Variants in RP1 observed in about 807,000 individuals in gnomAD.
The protein encoded by RP1 is RP1 axonemal microtubule associated.
In RP1, 16 loss-of-function variants were observed where a neutral mutation model predicts 14.8. The ratio of observed to expected loss-of-function variants is 1.08; its 90% CI spans 0.73 to 1.65. The LOEUF (loss-of-function observed/expected upper bound fraction) is 1.65. RP1 is among the 40% of genes most tolerant of loss of function. The probability of loss-of-function intolerance (pLI) is 0.00; values close to 1 mark genes in which losing one functional copy is unlikely to be tolerated. For synonymous variants in RP1, 876 were observed against 883.6 expected (o/e 0.99, Z 0.15); for missense variants, 2,631 against 2,535.0 (o/e 1.04, Z -0.81).
chr8:54,680,949 C>T (rs1412209122), intron 12 of RP1, among the ~76,000 whole-genome samples: 7 of 146,412 alleles, frequency 4.8e-5, no homozygotes, highest in Admixed American at 1.4e-4. Context: ...CAGAGCGAGA[C>T]TCTGTCTCGG....
intron 1 of RP1, among the ~76,000 whole-genome samples, chr8:54,590,974 CT>C (rs1176611355): frequency 1.3e-5 from 2 of 152,180 alleles, no homozygotes; most frequent in African/African-American, 4.8e-5. Context: ...AACTTGAATC[CT>C]TTCTTTATCC....
Position 54,626,295 on chromosome 8 carries a change from A to G in RP1, c.2413A>G (p.Asn805Asp), listed in dbSNP as rs145839872. 83 of 1,613,480 alleles carry G rather than the reference A, an allele frequency of 5.1e-5. No individual in the cohort carries two copies. The African/African-American group carries it at 9.3e-4, about 18-fold the overall frequency. ...IGQRDKVFPHNESKYCKSTFE... is the reference protein window; with the variant it reads ...IGQRDKVFPHDESKYCKSTFE... ...TCAAAGAGATAAAGTGTTTCCTCAC[A>G]ATGAATCTAAATATTGCAAAAGTAC... Residue 805 changes from asparagine (N) to aspartate (D), a missense_variant, in exon 4 of 4, where the codon AAT becomes GAT. By Grantham distance (23) the Asn-to-Asp change is conservative. Coordinates refer to ENST00000220676, the MANE Select transcript of RP1 (RefSeq NM_006269.2).
rs1009203065 is a variant in RP1 at position 54,800,323 on chromosome 8, G to A, written c.3615+16613G>A. Among the ~76,000 whole-genome samples the A allele has an allele frequency of 1.1e-4, 16 of 151,698 alleles. 2 individuals carry two copies. Among genetic ancestry groups the A allele is most frequent in the Admixed American group, 9.9e-4 (15 of 15,220 alleles). ...ATGATTTGCCTCTGTGTGTGTTGGG[G>A]GGGTGTGTGTATGGGTGTGTGTGTG... On this transcript the variant is annotated intron_variant, in intron 24 of 28. Coordinates refer to the RP1 transcript ENST00000637698.
chr8:54,706,317 G>T, intron 14 of RP1: 1 of 903,760 alleles, frequency 1.1e-6, no homozygotes, highest in African/African-American at 1.7e-5. Context: ...TCTTTTGCTC[G>T]TTTTCAGCCA....
In RP1 at chr8:54,721,265, C is replaced by T. The variant is rs984380320; in HGVS notation, c.2389+959C>T. On this transcript the variant is annotated intron_variant, in intron 16 of 22. Transcript: ENST00000636932. ...GTTTACTGCCATCCATACCACCACT[C>T]CCTCCACCCTTCATTTTCCTACAGG... Among the ~76,000 whole-genome samples, 9 of 152,324 alleles carry T rather than the reference C, an allele frequency of 5.9e-5. No individual in the cohort carries two copies. The South Asian group carries it at 8.3e-4, about 14-fold the overall frequency.
chr8:54,576,645 T>C (rs1481919311), intron 1 of RP1, among the ~76,000 whole-genome samples: 1 of 152,198 alleles, frequency 6.6e-6, no homozygotes, highest in Non-Finnish European at 1.5e-5. Context: ...TAATTATCCT[T>C]ATTCTAGACA....
At chr8:54,807,670 CT>C (rs1311465470) in intron 24 of RP1, among the ~76,000 whole-genome samples, 1 of 67,914 alleles carries the variant, frequency 1.5e-5, no homozygotes, top group African/African-American at 7.2e-5. Flanking sequence ...ATCTATCTAT[CT>C]ATCTATTTAT....
chr8:54,621,977 A>G lies in RP1; in HGVS notation c.616-140A>G, dbSNP rs576214445. The G allele has an allele frequency of 1.2e-5, 10 of 867,474 alleles. No homozygotes were observed. The East Asian group carries it at 2.6e-4, about 23-fold the overall frequency. 53.7% of individuals were successfully genotyped at this position (867,474 alleles called of 1,614,324 possible). On this transcript the variant is annotated intron_variant, in intron 2 of 3. Coordinates refer to ENST00000220676, the MANE Select transcript of RP1 (RefSeq NM_006269.2). Reference sequence around the variant, plus strand: ...TGGTATTTCCGCTTATTTTGTATACACCATTGGTGCCTAAGAAAATGCTCA... The same window carrying G: ...TGGTATTTCCGCTTATTTTGTATACGCCATTGGTGCCTAAGAAAATGCTCA...
rs928649949 is a variant in RP1, at chr8:54,806,059, C to A, written c.3615+22349C>A. ...TTTGAGACAGAGTCACACTCTGTCACCCAGGCTGGAGTGCAGTGGTGCAAT... is the reference window on the plus strand; with the variant it reads ...TTTGAGACAGAGTCACACTCTGTCAACCAGGCTGGAGTGCAGTGGTGCAAT... On this transcript the variant is annotated intron_variant, in intron 24 of 28. Transcript: ENST00000637698. Among the ~76,000 whole-genome samples the A allele has an allele frequency of 2.6e-5, 4 of 152,182 alleles. No homozygotes were observed. In the East Asian group the frequency reaches 7.7e-4, roughly 29 times the overall value.
At chr8:54,657,241 C>T (rs1563339539) in intron 6 of RP1, among the ~76,000 whole-genome samples, 1 of 152,080 alleles carries the variant, frequency 6.6e-6, no homozygotes. Flanking sequence ...CGCCAGGTGC[C>T]CTATTCCTAC....
At chr8:54,737,942 A>G (rs972858676) in intron 18 of RP1, among the ~76,000 whole-genome samples, 4 of 152,132 alleles carry the variant, frequency 2.6e-5, no homozygotes. Context: ...AATAATAACA[A>G]TGGCTATTAT....
intron 1 of RP1, among the ~76,000 whole-genome samples, chr8:54,594,537 T>C (rs1805098462): frequency 1.3e-5 from 2 of 152,212 alleles, no homozygotes; most frequent in Admixed American, 6.5e-5. Context: ...CTGAATTTGT[T>C]TGATGAAAGT....
At chr8:54,790,447 A>G (rs1810436025) in intron 24 of RP1, among the ~76,000 whole-genome samples, 2 of 152,150 alleles carry the variant, frequency 1.3e-5, no homozygotes, top group South Asian at 2.1e-4. Context: ...TTGTGGTAAC[A>G]TGAAACTACC....
chr8:54,594,412 C>T (rs545043037), intron 1 of RP1, among the ~76,000 whole-genome samples: 11 of 152,362 alleles, frequency 7.2e-5, no homozygotes, highest in African/African-American at 2.6e-4. Flanking sequence ...GTCTATCTTC[C>T]ACTTGCCTTT....
intron 21 of RP1, chr8:54,755,825 A>G: frequency 7.3e-7 from 1 of 1,366,896 alleles, no homozygotes; most frequent in East Asian, 2.7e-5. Flanking sequence ...GAAGATGGCC[A>G]CATATGATTT....
chr8:54,834,448 G>A (rs552315431), intron 24 of RP1, among the ~76,000 whole-genome samples: 1 of 152,036 alleles, frequency 6.6e-6, no homozygotes, highest in East Asian at 1.9e-4. Context: ...AAAGAATAAA[G>A]CATTTTTTAA....
chr8:54,683,153 T>A (rs1283056237), intron 12 of RP1, among the ~76,000 whole-genome samples: 1 of 152,118 alleles, frequency 6.6e-6, no homozygotes, highest in African/African-American at 2.4e-5. Context: ...GTTCCATTGG[T>A]CTATATATAT....
At chr8:54,706,781 GTATTTTT>G in intron 15 of RP1, 1 of 926,580 alleles carries the variant, frequency 1.1e-6, no homozygotes, top group Admixed American at 2.2e-5. Context: ...CCCTTGACTG[GTATTTTT>G]AATAAGTGAG....
At chr8:54,770,832 T>C (rs948218637), downstream of RP1, among the ~76,000 whole-genome samples, 2 of 151,816 alleles carry the variant, frequency 1.3e-5, no homozygotes, top group South Asian at 2.1e-4. Context: ...AAGTCTTTTG[T>C]AGTTATCTTT....
Sources: gnomAD v4.1 joint callset for allele counts (sites outside exome capture counted in the v4.1 genomes callset) on GRCh38, gnomAD v4.1.1 for gene constraint, MANE v1.5 for transcripts, NCBI Gene and HGNC (gene_info 2026-07-23, HGNC 2026-07-21) for gene names.